AGTPBP1: variants seen among roughly 807,000 people sequenced by gnomAD.
AGTPBP1 encodes cytosolic carboxypeptidase 1.
A neutral mutation model predicts 143.9 loss-of-function variants in AGTPBP1; 70 were observed. The ratio of observed to expected loss-of-function variants is 0.49; its 90% CI spans 0.40 to 0.59. The LOEUF is 0.59. AGTPBP1 is among the 20% of genes least tolerant of loss of function. The pLI, the probability that AGTPBP1 is intolerant of heterozygous loss-of-function variation, is 0.00. For synonymous variants in AGTPBP1, 463 were observed against 500.2 expected (o/e 0.93, Z 0.99); for missense variants, 1,229 against 1,464.5 (o/e 0.84, Z 2.62).
Position 85,589,673 on chromosome 9 carries a change from A to C in AGTPBP1, c.2577T>G (p.Leu859=). ...PYTYSTLQMH[L]QKLESAHNPQ... ...GATTGTGTGCTGATTCCAATTTTTG[A>C]AGATGCATCTTGATAAAAATTTTAA... Residue 859 remains leucine (L), a synonymous_variant, in exon 20 of 26, where the codon CTT becomes CTG. Transcript: ENST00000357081. 6.2e-7 allele frequency: 1 copy of C among 1,604,788 alleles called. No homozygotes were observed. Among genetic ancestry groups the C allele is most frequent in the South Asian group, 1.1e-5 (1 of 89,044 alleles).
At chr9:85,570,185 A>C (rs1049902108) in intron 25 of AGTPBP1, among the ~76,000 whole-genome samples, 2 of 152,202 alleles carry the variant, frequency 1.3e-5, no homozygotes, top group Non-Finnish European at 2.9e-5. Context: ...GGACAAAAAC[A>C]ATGACTCATG....
intron 2 of AGTPBP1, among the ~76,000 whole-genome samples, chr9:85,710,535 G>A (rs1394344182): frequency 6.6e-6 from 1 of 152,076 alleles, no homozygotes; most frequent in Non-Finnish European, 1.5e-5. Flanking sequence ...ACTATAGGAA[G>A]GGAGCTTTGA....
the AGTPBP1 span, chr9:85,756,260 T>C: frequency 1.3e-6 from 2 of 1,577,152 alleles, no homozygotes; most frequent in Non-Finnish European, 1.7e-6. Context: ...GGTATTCTGT[T>C]TAATACACTA....
chr9:85,748,451 C>T, the AGTPBP1 span, among the ~76,000 whole-genome samples: 1 of 152,072 alleles, frequency 6.6e-6, no homozygotes, highest in Non-Finnish European at 1.5e-5. Flanking sequence ...TGAAAATTTC[C>T]AAATTTAATG....
chr9:85,804,491 T>C, the AGTPBP1 span, among the ~76,000 whole-genome samples: 286 of 152,324 alleles, frequency 1.9e-3, 1 homozygote, highest in African/African-American at 6.6e-3. Context: ...TTGTCTTTTA[T>C]TGTCTGTTTT....
rs943575564 is a variant in AGTPBP1, at chr9:85,741,892, G to A, written c.-151C>T. The A allele has an allele frequency of 5.8e-6, 8 of 1,367,630 alleles. No homozygotes were observed. Among genetic ancestry groups the A allele is most frequent in the Non-Finnish European group, 7.5e-6 (8 of 1,062,460 alleles). The allele number at this position is 1,367,630 out of a possible 1,614,324, so 84.7% of individuals were successfully genotyped here. A position where few individuals can be genotyped will look rare whatever the true frequency, so the allele number is the denominator to read the frequency against. ...CGGTGTTTTCATACAAACCCCGGTG[G>A]CAGGCGAGGCGGAGGCGGCGGCGGC... On this transcript the variant is annotated 5_prime_UTR_variant, in exon 1 of 26. Transcript: ENST00000357081.
chr9:85,619,127 C>T lies in AGTPBP1; in HGVS notation c.2191G>A (p.Glu731Lys). Residue 731 changes from glutamate to lysine, a missense_variant, in exon 17 of 26, where the codon GAA becomes AAA. Glu to Lys is a moderately conservative substitution (Grantham distance 56). Transcript: ENST00000357081. Reference sequence around the variant, plus strand: ...TCTGAGTTCAGAATAAGATCATATTCATTTCTGAAAATAGAAGACAAAGAA... The same window carrying T: ...TCTGAGTTCAGAATAAGATCATATTTATTTCTGAAAATAGAAGACAAAGAA... ...LRKVIQIRKN[E>K]YDLILNSDIN... 6.2e-7 allele frequency: 1 copy of T among 1,612,276 alleles called. No individual in the cohort carries two copies. Among genetic ancestry groups the T allele is most frequent in the Non-Finnish European group, 8.5e-7 (1 of 1,179,032 alleles).
At chr9:85,589,413 A>C in intron 20 of AGTPBP1, 115 bp downstream of exon 20, 5 of 1,326,826 alleles carry the variant, frequency 3.8e-6, no homozygotes, top group Non-Finnish European at 3.1e-6. Context: ...GGCCAAGACT[A>C]GAGCCCAAGT....
At chr9:85,667,635 C>T (rs1834205285) in intron 8 of AGTPBP1, among the ~76,000 whole-genome samples, 1 of 151,932 alleles carries the variant, frequency 6.6e-6, no homozygotes, top group African/African-American at 2.4e-5. Flanking sequence ...CCAGAAAAAA[C>T]AAACCAGAAC....
At chr9:85,640,608 G>A (rs1046364046) in intron 13 of AGTPBP1, among the ~76,000 whole-genome samples, 7 of 152,224 alleles carry the variant, frequency 4.6e-5, no homozygotes, top group African/African-American at 1.7e-4. Flanking sequence ...TCTAGGAGCA[G>A]CCAAACTAAT....
At chr9:85,662,646 A>G (rs1328778278) in intron 8 of AGTPBP1, among the ~76,000 whole-genome samples, 1 of 152,160 alleles carries the variant, frequency 6.6e-6, no homozygotes, top group East Asian at 1.9e-4. Flanking sequence ...GGTGCTTTAT[A>G]TATGTGTTTT....
intron 11 of AGTPBP1, among the ~76,000 whole-genome samples, chr9:85,650,788 A>C (rs528852848): frequency 6.6e-6 from 1 of 152,326 alleles, no homozygotes; most frequent in South Asian, 2.1e-4. Context: ...TGTTTCTACC[A>C]ATGTCTTTCT....
rs149785114 is a variant in AGTPBP1 at position 85,642,884 on chromosome 9, T to G, written c.1245A>C (p.Thr415=). Residue 415 remains threonine, a synonymous_variant, in exon 13 of 26, where the codon ACA becomes ACC. Transcript: ENST00000357081. ...GTTCATACATTTTTAGATCTTCTAT[T>G]GTTCGTCCCGGTTCTTGCTGGGGTT... is the stretch of plus-strand genomic sequence containing the variant. ...KLKPQQEPGR[T]IEDLKMYEHL... is the part of the protein sequence containing the mutation. The G allele has an allele frequency of 1.2e-6, 2 of 1,613,570 alleles. No individual in the cohort carries two copies. The highest frequency in any genetic ancestry group is 1.7e-6 in the Non-Finnish European group (2 of 1,179,888).
At chr9:85,764,826 A>G in the AGTPBP1 span, 1 of 1,317,992 alleles carries the variant, frequency 7.6e-7, no homozygotes, top group Non-Finnish European at 1.1e-6. Context: ...AAGATTTCAG[A>G]GCAAGTTGAA....
chr9:85,633,122 T>C lies in AGTPBP1; in HGVS notation c.1555A>G (p.Thr519Ala), dbSNP rs150806398. 12 of 1,614,020 alleles carry C rather than the reference T, an allele frequency of 7.4e-6. No homozygotes were observed. The highest frequency in any genetic ancestry group is 8.5e-6 in the Non-Finnish European group (10 of 1,180,010). The change falls in exon 14 of 26, where the codon ACT becomes GCT. Residue 519 changes from threonine to alanine, a missense_variant. Thr to Ala is a moderately conservative substitution (Grantham distance 58). Around this residue, in one of 2 missense-constraint regions of AGTPBP1, gnomAD observed 743 missense variants for 812.2 expected, o/e 0.91. Coordinates refer to ENST00000357081, the MANE Select transcript of AGTPBP1 (RefSeq NM_001330701.2). ...TTTAAACCATGGACTGATGAAATAGTTCTATTTTGATCACCTGGCTGCTGT... is the reference window on the plus strand; with the variant it reads ...TTTAAACCATGGACTGATGAAATAGCTCTATTTTGATCACCTGGCTGCTGT... The part of the protein sequence containing the change: ...LQQQPGDQNR[T>A]ISSVHGLNND...
chr9:85,709,155 G>T (rs1837205694), intron 2 of AGTPBP1, among the ~76,000 whole-genome samples: 1 of 152,134 alleles, frequency 6.6e-6, no homozygotes, highest in Non-Finnish European at 1.5e-5. Flanking sequence ...TCACAGGAAT[G>T]CAAAGTTGGT....
chr9:85,594,793 A>T (rs797000448), intron 18 of AGTPBP1, among the ~76,000 whole-genome samples: 13 of 152,340 alleles, frequency 8.5e-5, no homozygotes, highest in African/African-American at 3.1e-4. Flanking sequence ...ACAGAATAGA[A>T]CAACTTGTCC....
At chr9:85,784,488 G>T in the AGTPBP1 span, among the ~76,000 whole-genome samples, 1 of 152,058 alleles carries the variant, frequency 6.6e-6, no homozygotes, top group Non-Finnish European at 1.5e-5. Flanking sequence ...GCTCACTGCA[G>T]CCTCAAACTC....
intron 9 of AGTPBP1, among the ~76,000 whole-genome samples, chr9:85,658,875 A>G (rs1031728277): frequency 6.6e-6 from 1 of 152,158 alleles, no homozygotes; most frequent in Non-Finnish European, 1.5e-5. Flanking sequence ...GGCTGTGGCT[A>G]TTTACAAAAT....
Sources: gnomAD v4.1 joint callset for allele counts (sites outside exome capture counted in the v4.1 genomes callset) on GRCh38, gnomAD v4.1.1 for gene constraint, gnomAD v4.1.1 regional missense constraint, MANE v1.5 for transcripts, NCBI Gene and HGNC (gene_info 2026-07-23, HGNC 2026-07-21) for gene names.